LRRC7: variants seen among roughly 807,000 people sequenced by gnomAD.
LRRC7 encodes leucine rich repeat containing 7, also known as leucine-rich repeat-containing protein 7.
Under a neutral mutation model 175.7 loss-of-function variants are expected in LRRC7, and 23 were observed. That is an observed-to-expected ratio of 0.13 (90% CI 0.09 to 0.19). LRRC7 has a LOEUF of 0.19. LRRC7 is among the 10% of genes least tolerant of loss of function. The pLI, the probability that LRRC7 is intolerant of heterozygous loss-of-function variation, is 1.00. For synonymous variants in LRRC7, 685 were observed against 680.9 expected, an observed-to-expected ratio of 1.01 and a Z score of -0.09; for missense variants, 1,354 against 1,904.7, an observed-to-expected ratio of 0.71 and a Z score of 5.38.
intron 25 of LRRC7, among the ~76,000 whole-genome samples, chr1:70,104,988 C>T (rs113298847): frequency 0.024 from 3,662 of 152,252 alleles, 97 homozygotes; most frequent in African/African-American, 0.065. Context: ...TCACTTCCAG[C>T]AATCAGAGAT....
chr1:69,858,377 A>G (rs951171625), intron 7 of LRRC7, among the ~76,000 whole-genome samples: 1 of 152,172 alleles, frequency 6.6e-6, no homozygotes, highest in Non-Finnish European at 1.5e-5. Flanking sequence ...CAAAGGACTA[A>G]TATCCAGAAT....
chr1:69,577,829 C>G (rs1245066), intron 1 of LRRC7, among the ~76,000 whole-genome samples: 63,506 of 151,888 alleles, frequency 0.42, 13,889 homozygotes, highest in Middle Eastern at 0.52. Flanking sequence ...CTCCAGCTTT[C>G]TTCTTTTGGC....
intron 23 of LRRC7, among the ~76,000 whole-genome samples, chr1:70,075,077 A>G (rs1662676841): frequency 6.6e-6 from 1 of 152,206 alleles, no homozygotes; most frequent in Admixed American, 6.5e-5. Context: ...TGAATTCAGG[A>G]AATAAATCCC....
At chr1:69,909,346 T>TC (rs1267684161) in intron 7 of LRRC7, among the ~76,000 whole-genome samples, 1 of 152,204 alleles carries the variant, frequency 6.6e-6, no homozygotes, top group African/African-American at 2.4e-5. Flanking sequence ...CGTTAGTTGA[T>TC]GCAGTTTTCT....
intron 1 of LRRC7, among the ~76,000 whole-genome samples, chr1:69,592,429 A>C: frequency 6.6e-6 from 1 of 152,246 alleles, no homozygotes; most frequent in South Asian, 2.1e-4. Flanking sequence ...ACTCGAAAAA[A>C]GCTGACTTTT....
chr1:70,020,270 T>A (rs1657344881), intron 15 of LRRC7, among the ~76,000 whole-genome samples: 2 of 152,034 alleles, frequency 1.3e-5, no homozygotes. Context: ...CATTTTCATG[T>A]GATCTTTGCC....
Position 69,640,599 on chromosome 1 carries a change from T to C in LRRC7, c.3-37782T>C, listed in dbSNP as rs115951536. ...ATATAAATAAATATTTTGTTATATT[T>C]ATTTTATTTAATATAGGAGGACTGA... On this transcript the variant is annotated intron_variant, in intron 1 of 26. Transcript: ENST00000651989. Among the ~76,000 whole-genome samples the C allele has an allele frequency of 3.7e-3, 551 of 150,536 alleles. 5 individuals carry two copies. Among genetic ancestry groups the C allele is most frequent in the African/African-American group, 0.013 (525 of 41,334 alleles).
In LRRC7 at chr1:69,838,244, T is replaced by A. The variant is rs1681339627; in HGVS notation, c.608T>A (p.Ile203Asn). The change falls in exon 7 of 27, where the codon ATC (isoleucine) becomes AAC (asparagine). Residue 203 changes from isoleucine (I) to asparagine (N), a missense_variant. By Grantham distance (149) the Ile-to-Asn change is moderately radical (BLOSUM62 -3). Transcript: ENST00000651989. ...ANFGRLVKLR[I>N]LELRENHLKT... Reference sequence around the variant, plus strand: ...TTCTGTAGACTTGTCAAATTGCGGATCTTGGAGTTAAGAGAAAATCACTTG... The same window carrying A: ...TTCTGTAGACTTGTCAAATTGCGGAACTTGGAGTTAAGAGAAAATCACTTG... 6.2e-7 allele frequency: 1 copy of A among 1,609,262 alleles called. No individual in the cohort carries two copies. Among genetic ancestry groups the A allele is most frequent in the Non-Finnish European group, 8.5e-7 (1 of 1,176,676 alleles).
At chr1:69,921,334 TACACAC>T (rs1331778007) in intron 7 of LRRC7, among the ~76,000 whole-genome samples, 1 of 151,746 alleles carries the variant, frequency 6.6e-6, no homozygotes, top group African/African-American at 2.4e-5. Flanking sequence ...GACACACACA[TACACAC>T]ACACAAACAC....
intron 1 of LRRC7, among the ~76,000 whole-genome samples, chr1:69,619,836 C>T (rs1650271326): frequency 6.6e-6 from 1 of 152,162 alleles, no homozygotes; most frequent in Admixed American, 6.6e-5. Context: ...ATATGTATAA[C>T]TCAGTGAACC....
chr1:69,612,292 A>G (rs934827379), intron 1 of LRRC7, among the ~76,000 whole-genome samples: 3 of 152,074 alleles, frequency 2.0e-5, no homozygotes, highest in South Asian at 4.1e-4. Context: ...AAATTTAAAA[A>G]TCATCACTCA....
intron 1 of LRRC7, chr1:69,608,373 G>A (rs1211825962): frequency 6.6e-6 from 1 of 151,994 alleles, no homozygotes; most frequent in Non-Finnish European, 1.5e-5. Flanking sequence ...TATTAGCATG[G>A]ACCTGTGCCC....
chr1:70,028,130 GA>G, intron 17 of LRRC7, 40 bp from the exon 18 acceptor site: 5 of 1,534,668 alleles, frequency 3.3e-6, no homozygotes, highest in Non-Finnish European at 4.5e-6. Context: ...CATGCTTGCT[GA>G]AGTTATTTTT....
chr1:69,690,141 C>T (rs1349575565), intron 2 of LRRC7, among the ~76,000 whole-genome samples: 1 of 152,172 alleles, frequency 6.6e-6, no homozygotes, highest in Non-Finnish European at 1.5e-5. Context: ...ATTTTTGCAG[C>T]CAAACCCTTC....
At chr1:69,737,378 C>A (rs1466279882) in intron 2 of LRRC7, among the ~76,000 whole-genome samples, 1 of 152,086 alleles carries the variant, frequency 6.6e-6, no homozygotes, top group Admixed American at 6.6e-5. Context: ...CATGCCTTTG[C>A]TCTAATGATC....
At chr1:70,011,556 C>T (rs1391231650) in intron 11 of LRRC7, among the ~76,000 whole-genome samples, 1 of 151,744 alleles carries the variant, frequency 6.6e-6, no homozygotes, top group East Asian at 1.9e-4. Context: ...ATTATTTTGT[C>T]GTTTTCAATG....
At chr1:69,894,488 T>C (rs1645923420) in intron 7 of LRRC7, among the ~76,000 whole-genome samples, 1 of 152,218 alleles carries the variant, frequency 6.6e-6, no homozygotes, top group Non-Finnish European at 1.5e-5. Flanking sequence ...CCTAGCCTCC[T>C]TTTTGTTTTT....
chr1:69,803,383 A>G (rs1676749344), intron 4 of LRRC7, among the ~76,000 whole-genome samples: 1 of 151,440 alleles, frequency 6.6e-6, no homozygotes, highest in Admixed American at 6.6e-5. Flanking sequence ...TAATTCATGA[A>G]CATGGTATTT....
intron 25 of LRRC7, among the ~76,000 whole-genome samples, chr1:70,099,607 A>T (rs1475708345): frequency 6.6e-6 from 1 of 152,206 alleles, no homozygotes; most frequent in East Asian, 1.9e-4. Context: ...AATAGTGCAG[A>T]TAGTGTCAAA....
Sources: gnomAD v4.1 joint callset for allele counts (sites outside exome capture counted in the v4.1 genomes callset) on GRCh38, gnomAD v4.1.1 for gene constraint, MANE v1.5 for transcripts, NCBI Gene and HGNC (gene_info 2026-07-23, HGNC 2026-07-21) for gene names.